RUNX1: variants seen among roughly 807,000 people sequenced by gnomAD.
RUNX1 encodes the protein runt-related transcription factor 1.
A neutral mutation model predicts 42.8 loss-of-function variants in RUNX1; 19 were observed. The ratio of observed to expected loss-of-function variants is 0.44; its 90% CI spans 0.31 to 0.65. RUNX1 has a LOEUF of 0.65. Ranked by LOEUF, RUNX1 falls within the 30% of genes least tolerant of loss-of-function variation. RUNX1 has a pLI of 0.07. For missense variants in RUNX1, 528 were observed against 672.0 expected (o/e 0.79, Z 2.37); for synonymous variants, 271 against 289.4 (o/e 0.94, Z 0.64).
At chr21:34,821,708 A>C in intron 7 of RUNX1, 1 of 1,561,954 alleles carries the variant, frequency 6.4e-7, no homozygotes, top group Non-Finnish European at 8.7e-7. Context: ...TGAGGGAGCC[A>C]TGTGTGACCA....
At chr21:34,831,743 C>T (rs529627710) in intron 7 of RUNX1, among the ~76,000 whole-genome samples, 2 of 152,176 alleles carry the variant, frequency 1.3e-5, no homozygotes, top group Admixed American at 1.3e-4. Flanking sequence ...AATTTCAGGG[C>T]TGAGCCTGGA....
At chr21:34,967,049 T>G (rs1242287104) in intron 2 of RUNX1, among the ~76,000 whole-genome samples, 1 of 151,790 alleles carries the variant, frequency 6.6e-6, no homozygotes, top group African/African-American at 2.4e-5. Flanking sequence ...CAAACGTGTT[T>G]TTAAGAATAG....
At chr21:34,928,536 A>G (rs1243172953) in intron 2 of RUNX1, among the ~76,000 whole-genome samples, 1 of 152,100 alleles carries the variant, frequency 6.6e-6, no homozygotes. Flanking sequence ...TCTACTAAAA[A>G]TACAAAAAGT....
chr21:34,982,856 C>T (rs1038584589), intron 2 of RUNX1, among the ~76,000 whole-genome samples: 11 of 152,326 alleles, frequency 7.2e-5, no homozygotes, highest in African/African-American at 2.4e-4. Flanking sequence ...GTGTGAACCA[C>T]TGCATGTGGC....
At chr21:34,863,192 T>C (rs2057601838) in intron 5 of RUNX1, among the ~76,000 whole-genome samples, 2 of 152,220 alleles carry the variant, frequency 1.3e-5, no homozygotes, top group African/African-American at 4.8e-5. Flanking sequence ...CTCATATCCC[T>C]GAGCTTTCTA....
intron 2 of RUNX1, among the ~76,000 whole-genome samples, chr21:34,975,787 G>C (rs1244633087): frequency 2.0e-5 from 3 of 152,088 alleles, no homozygotes; most frequent in Non-Finnish European, 4.4e-5. Flanking sequence ...AGAGCAGTTG[G>C]GTGTGTAGCT....
chr21:34,865,775 G>C (rs1462577242), intron 5 of RUNX1, among the ~76,000 whole-genome samples: 1 of 152,220 alleles, frequency 6.6e-6, no homozygotes, highest in Admixed American at 6.5e-5. Flanking sequence ...CCACATCTGG[G>C]AAGTGGCTAA....
At chr21:34,844,270 T>C (rs2057285372) in intron 6 of RUNX1, among the ~76,000 whole-genome samples, 1 of 152,192 alleles carries the variant, frequency 6.6e-6, no homozygotes, top group Non-Finnish European at 1.5e-5. Flanking sequence ...CACAGAACGC[T>C]GCCTGGAGCT....
intron 2 of RUNX1, among the ~76,000 whole-genome samples, chr21:34,942,015 AG>A (rs1315769338): frequency 6.6e-6 from 1 of 152,192 alleles, no homozygotes; most frequent in Non-Finnish European, 1.5e-5. Context: ...GAAACAATGA[AG>A]AAAAAGTACC....
At chr21:34,991,534 G>A (rs190185627) in intron 2 of RUNX1, among the ~76,000 whole-genome samples, 1 of 132,662 alleles carries the variant, frequency 7.5e-6, no homozygotes, top group Non-Finnish European at 1.6e-5. Flanking sequence ...AGCATTCCTA[G>A]CAGGGATTAC....
chr21:34,868,741 T>C (rs1477947679), intron 5 of RUNX1, among the ~76,000 whole-genome samples: 9 of 152,238 alleles, frequency 5.9e-5, no homozygotes, highest in South Asian at 4.1e-4. Flanking sequence ...GCCTACTTAA[T>C]TGCCATGTTC....
At chr21:35,014,092 A>T (rs1252503782) in intron 2 of RUNX1, among the ~76,000 whole-genome samples, 1 of 152,230 alleles carries the variant, frequency 6.6e-6, no homozygotes. Context: ...TAACTTCTTT[A>T]AACATGTCTG....
intron 2 of RUNX1, among the ~76,000 whole-genome samples, chr21:35,046,577 G>A (rs1211937743): frequency 6.6e-6 from 1 of 152,198 alleles, no homozygotes; most frequent in East Asian, 1.9e-4. Context: ...GGCAGGGATG[G>A]TGATTCTTCT....
intron 2 of RUNX1, among the ~76,000 whole-genome samples, chr21:34,912,129 AG>A (rs1400471085): frequency 6.6e-6 from 1 of 151,086 alleles, no homozygotes; most frequent in Non-Finnish European, 1.5e-5. Flanking sequence ...GGAACTGAGT[AG>A]ATAGTCAACA....
chr21:34,952,516 G>A (rs2058616122), intron 2 of RUNX1, among the ~76,000 whole-genome samples: 1 of 152,140 alleles, frequency 6.6e-6, no homozygotes, highest in South Asian at 2.1e-4. Flanking sequence ...ACGTGATAAT[G>A]TCTGGCATGG....
intron 2 of RUNX1, among the ~76,000 whole-genome samples, chr21:35,043,201 C>T (rs1223003642): frequency 6.6e-6 from 1 of 152,138 alleles, no homozygotes; most frequent in Non-Finnish European, 1.5e-5. Flanking sequence ...AGGAAATGCT[C>T]CCTTTTTACC....
rs929056154 is a variant in RUNX1, at chr21:34,901,013, A to G, written c.59-8050T>C. Among the ~76,000 whole-genome samples the G allele has an allele frequency of 1.3e-5, 2 of 152,218 alleles. No individual in the cohort carries two copies. Among genetic ancestry groups the G allele is most frequent in the African/African-American group, 4.8e-5 (2 of 41,458 alleles). On this transcript the variant is annotated intron_variant, in intron 2 of 8. Coordinates refer to ENST00000675419, the MANE Select transcript of RUNX1 (RefSeq NM_001754.5). This position sits in a 1 kb window ranked among gnomAD's most constrained non-coding sequence, Gnocchi z 4.3. The stretch of plus-strand genomic sequence containing the variant: ...TCAGTTTGCTGGCAATCTACCAGTT[A>G]AAACACAGTAATAGATCAATTCAGT...
chr21:34,892,661 G>A (rs1402253849), intron 3 of RUNX1, among the ~76,000 whole-genome samples: 1 of 152,144 alleles, frequency 6.6e-6, no homozygotes, highest in African/African-American at 2.4e-5. Context: ...TTGTATAGAG[G>A]CATTTAATAG....
chr21:34,857,903 T>C (rs1327555976), intron 6 of RUNX1, among the ~76,000 whole-genome samples: 1 of 152,138 alleles, frequency 6.6e-6, no homozygotes, highest in African/African-American at 2.4e-5. Context: ...TTTTCACTCA[T>C]AAAGAAGAAT....
Sources: allele counts gnomAD v4.1 joint callset (sites outside exome capture counted in the v4.1 genomes callset), GRCh38; gene constraint gnomAD v4.1.1; non-coding constraint Gnocchi (gnomAD v3.1); transcripts MANE v1.5; gene names NCBI Gene and HGNC (gene_info 2026-07-23, HGNC 2026-07-21).